The following DOCK2 variants were observed in gnomAD, a reference collection of about 807,000 sequenced individuals.
The protein encoded by DOCK2 is dedicator of cytokinesis 2.
Under a neutral mutation model 248.9 loss-of-function variants are expected in DOCK2, and 87 were observed. The observed-to-expected ratio is 0.35, with a 90% CI of 0.29 to 0.42. DOCK2 has a LOEUF of 0.42. Ranked by LOEUF, DOCK2 falls within the 10% of genes least tolerant of loss-of-function variation. DOCK2 has a pLI of 1.00. For missense variants in DOCK2, 1,747 were observed against 2,300.2 expected (o/e 0.76, Z 4.92); for synonymous variants, 805 against 821.6 (o/e 0.98, Z 0.35).
intron 44 of DOCK2, among the ~76,000 whole-genome samples, chr5:170,058,953 T>C (rs990761168): frequency 1.3e-5 from 2 of 152,208 alleles, no homozygotes; most frequent in Non-Finnish European, 2.9e-5. Flanking sequence ...GTTTTGAGTA[T>C]GGGCTCAACT....
intron 27 of DOCK2, among the ~76,000 whole-genome samples, chr5:169,963,978 C>T (rs536707266): frequency 1.3e-5 from 2 of 152,156 alleles, no homozygotes; most frequent in South Asian, 4.2e-4. Context: ...ACCACTGCTT[C>T]AAGGGGAGGG....
At chr5:169,964,469 C>T (rs1343360910) in intron 27 of DOCK2, among the ~76,000 whole-genome samples, 1 of 152,248 alleles carries the variant, frequency 6.6e-6, no homozygotes, top group African/African-American at 2.4e-5. Flanking sequence ...ACGCAGTGAA[C>T]TGTGTCAGAC....
intron 39 of DOCK2, among the ~76,000 whole-genome samples, chr5:170,046,441 C>T (rs1393093517): frequency 2.6e-5 from 4 of 152,106 alleles, no homozygotes; most frequent in African/African-American, 9.7e-5. Flanking sequence ...AAATGCAGAA[C>T]TCTTTGGCTG....
intron 29 of DOCK2, among the ~76,000 whole-genome samples, chr5:169,994,558 G>C (rs1238637712): frequency 6.6e-6 from 1 of 152,184 alleles, no homozygotes; most frequent in African/African-American, 2.4e-5. Context: ...CTTAAGGCTG[G>C]TGGGATGGTG....
chr5:169,773,644 T>C (rs1010174858), intron 25 of DOCK2, among the ~76,000 whole-genome samples: 1 of 152,236 alleles, frequency 6.6e-6, no homozygotes, highest in African/African-American at 2.4e-5. Context: ...TCCAAAATTT[T>C]GTTTTCACTG....
At chr5:169,782,684 C>T (rs1216469119) in intron 25 of DOCK2, among the ~76,000 whole-genome samples, 3 of 152,084 alleles carry the variant, frequency 2.0e-5, no homozygotes, top group Admixed American at 6.5e-5. Flanking sequence ...TGTAGGTCTT[C>T]GGTTCTCAAC....
At chr5:170,005,602 C>A (rs73312335) in intron 30 of DOCK2, among the ~76,000 whole-genome samples, 2,609 of 152,110 alleles carry the variant, frequency 0.017, 80 homozygotes, top group African/African-American at 0.058. Flanking sequence ...CTGACTCTTA[C>A]GGGTAGAGGG....
intron 23 of DOCK2, among the ~76,000 whole-genome samples, chr5:169,751,765 A>C (rs1383307101): frequency 6.6e-6 from 1 of 152,206 alleles, no homozygotes; most frequent in East Asian, 1.9e-4. Context: ...GTTCAGAGGA[A>C]AGGAGCAATA....
chr5:169,928,753 T>C (rs1317037375), intron 27 of DOCK2, among the ~76,000 whole-genome samples: 1 of 152,176 alleles, frequency 6.6e-6, no homozygotes, highest in Admixed American at 6.5e-5. Flanking sequence ...TATACAGGAA[T>C]GAGTGGGTGG....
chr5:169,883,747 A>T, intron 27 of DOCK2: 1 of 1,551,644 alleles, frequency 6.4e-7, no homozygotes, highest in Non-Finnish European at 8.7e-7. Context: ...AACCTCAGCT[A>T]GGCCAGTTGG....
At chr5:170,069,008 T>C in intron 45 of DOCK2, 129 bp from the exon 46 acceptor site, 1 of 750,290 alleles carries the variant, frequency 1.3e-6, no homozygotes, top group South Asian at 1.7e-5. Context: ...CCTGTTACTC[T>C]TGTTCCATCC....
At chr5:169,904,397 C>G (rs529613039) in intron 27 of DOCK2, among the ~76,000 whole-genome samples, 1 of 152,306 alleles carries the variant, frequency 6.6e-6, no homozygotes, top group South Asian at 2.1e-4. Flanking sequence ...AAATCACCTA[C>G]CTGTCTATGG....
At chr5:169,693,157 G>A (rs1760405989) in intron 9 of DOCK2, among the ~76,000 whole-genome samples, 1 of 152,122 alleles carries the variant, frequency 6.6e-6, no homozygotes, top group Non-Finnish European at 1.5e-5. Flanking sequence ...TATTAGGGAT[G>A]GAGGTCATTA....
chr5:169,699,228 A>G (rs1451394055), intron 11 of DOCK2, among the ~76,000 whole-genome samples, 154 bp from the exon 12 acceptor site: 7 of 152,160 alleles, frequency 4.6e-5, no homozygotes, highest in Admixed American at 3.9e-4. Flanking sequence ...ATAAAAAGTG[A>G]GGTACCTCTT....
At chr5:170,074,087 G>A (rs929170068) in intron 46 of DOCK2, among the ~76,000 whole-genome samples, 4 of 151,908 alleles carry the variant, frequency 2.6e-5, no homozygotes, top group East Asian at 1.9e-4. Context: ...ATGTATCTCC[G>A]TTTACAACCT....
chr5:169,698,567 A>G, intron 11 of DOCK2, 118 bp downstream of exon 11: 1 of 1,033,090 alleles, frequency 9.7e-7, no homozygotes. Context: ...GAGCCTCCCA[A>G]GGGAAGCTCA....
chr5:169,788,095 C>T (rs1766100745), intron 25 of DOCK2, among the ~76,000 whole-genome samples: 1 of 152,020 alleles, frequency 6.6e-6, no homozygotes. Context: ...TCATTATTTC[C>T]AAAACTTTAC....
intron 34 of DOCK2, among the ~76,000 whole-genome samples, chr5:170,032,256 G>A (rs1381373818): frequency 6.6e-6 from 1 of 152,070 alleles, no homozygotes; most frequent in East Asian, 1.9e-4. Context: ...TCTATCTCCT[G>A]ACCTCGTGAT....
intron 29 of DOCK2, 123 bp downstream of exon 29, chr5:169,986,045 C>T (rs1393863975): frequency 1.1e-6 from 1 of 890,094 alleles, no homozygotes; most frequent in African/African-American, 1.7e-5. Context: ...TTAAGGCATG[C>T]TTTCTTTCTA....
Sources: allele counts gnomAD v4.1 joint callset (sites outside exome capture counted in the v4.1 genomes callset), GRCh38; gene constraint gnomAD v4.1.1; transcripts MANE v1.5; gene names NCBI Gene and HGNC (gene_info 2026-07-23, HGNC 2026-07-21).